The following ZNF730 variants were observed in gnomAD, a reference collection of about 807,000 sequenced individuals.
ZNF730 encodes the protein zinc finger protein 730, also known as putative zinc finger protein 730.
Under a neutral mutation model 12.6 loss-of-function variants are expected in ZNF730, and 12 were observed. The ratio of observed to expected loss-of-function variants is 0.95; its 90% CI spans 0.61 to 1.54. The LOEUF is 1.54. Among genes scored for constraint, ZNF730 ranks in the 40% most tolerant of loss-of-function variants. The pLI, the probability that ZNF730 is intolerant of heterozygous loss-of-function variation, is 0.00. For synonymous variants in ZNF730, 194 were observed against 195.8 expected (o/e 0.99, Z 0.08); for missense variants, 643 against 583.5 (o/e 1.10, Z -1.05).
At chr19:23,107,997 T>C (rs1970415416) in intron 1 of ZNF730, among the ~76,000 whole-genome samples, 1 of 151,948 alleles carries the variant, frequency 6.6e-6, no homozygotes, top group South Asian at 2.1e-4. Context: ...CCTAGCACAG[T>C]GTCTTGCTCA....
chr19:23,077,402 T>G (rs1162081686), intron 1 of ZNF730, among the ~76,000 whole-genome samples: 1 of 146,458 alleles, frequency 6.8e-6, no homozygotes, highest in African/African-American at 2.5e-5. Context: ...TTTAGGTAGC[T>G]TTTCCCATAA....
At chr19:23,088,837 T>G (rs1970109135) in intron 1 of ZNF730, among the ~76,000 whole-genome samples, 1 of 152,138 alleles carries the variant, frequency 6.6e-6, no homozygotes, top group South Asian at 2.1e-4. Flanking sequence ...GAAATGATCA[T>G]GTGGTTTTGT....
chr19:23,092,397 C>G (rs1449733743), intron 1 of ZNF730, among the ~76,000 whole-genome samples: 1 of 150,424 alleles, frequency 6.6e-6, no homozygotes, highest in Non-Finnish European at 1.5e-5. Context: ...GAGTTCGAGA[C>G]CAGCCTGATG....
At chr19:23,118,372 T>G (rs1289609199) in intron 1 of ZNF730, among the ~76,000 whole-genome samples, 1 of 151,266 alleles carries the variant, frequency 6.6e-6, no homozygotes, top group Non-Finnish European at 1.5e-5. Context: ...TTTTGTTTTT[T>G]TTTTTTGTTT....
At chr19:23,114,455 C>T (rs1176284514), upstream of ZNF730, among the ~76,000 whole-genome samples, 10 of 149,892 alleles carry the variant, frequency 6.7e-5, no homozygotes, top group East Asian at 1.9e-4. Context: ...TACAGGCGCC[C>T]GCCATCACAC....
intron 1 of ZNF730, among the ~76,000 whole-genome samples, chr19:23,100,686 T>C (rs1223663957): frequency 8.4e-6 from 1 of 119,596 alleles, no homozygotes; most frequent in Non-Finnish European, 1.7e-5. Context: ...GACAGAATCT[T>C]GCTCTGTCAC....
intron 1 of ZNF730, among the ~76,000 whole-genome samples, chr19:23,082,396 G>A (rs946406493): frequency 4.0e-5 from 6 of 151,816 alleles, no homozygotes; most frequent in Admixed American, 3.3e-4. Flanking sequence ...GCCCAGGCTG[G>A]AGTGCAATGG....
rs552607959 is a variant in ZNF730 at position 23,134,503 on chromosome 19, G to A, written c.130+297G>A. 2.7e-3 allele frequency among the ~76,000 whole-genome samples: 393 copies of A among 144,958 alleles called. 2 individuals are homozygous for A. Among genetic ancestry groups the A allele is most frequent in the African/African-American group, 9.8e-3 (375 of 38,424 alleles). On this transcript the variant is annotated intron_variant, in intron 2 of 3. Coordinates refer to ENST00000597761, the MANE Select transcript of ZNF730 (RefSeq NM_001277403.2). ...GGGCCAGCCCCCCGCCCGGCCGGCC[G>A]CCCCGTCCGGGAGGTGAGGGGCGCC... is the stretch of plus-strand genomic sequence containing the variant.
intron 1 of ZNF730, among the ~76,000 whole-genome samples, chr19:23,106,264 AG>A (rs1317469217): frequency 2.0e-5 from 3 of 152,150 alleles, no homozygotes; most frequent in Non-Finnish European, 2.9e-5. Context: ...AATAACAAAA[AG>A]TAGTAGTAGT....
At chr19:23,137,681 A>C (rs1460249986) in intron 3 of ZNF730, among the ~76,000 whole-genome samples, 1 of 152,228 alleles carries the variant, frequency 6.6e-6, no homozygotes, top group Non-Finnish European at 1.5e-5. Flanking sequence ...AGAAGCAAAC[A>C]CCTCTTCAGG....
At chr19:23,083,947 C>G (rs1970012875) in intron 1 of ZNF730, among the ~76,000 whole-genome samples, 1 of 151,944 alleles carries the variant, frequency 6.6e-6, no homozygotes, top group Admixed American at 6.6e-5. Flanking sequence ...CTCATTTTTG[C>G]TTTTGTTTCC....
At chr19:23,137,112 G>A (rs1160149628) in intron 3 of ZNF730, among the ~76,000 whole-genome samples, 1 of 152,234 alleles carries the variant, frequency 6.6e-6, no homozygotes, top group Non-Finnish European at 1.5e-5. Flanking sequence ...GGAGGTTGCA[G>A]TGAGCCAAGA....
chr19:23,136,100 AG>A, intron 3 of ZNF730, 57 bp downstream of exon 3: 3 of 1,286,884 alleles, frequency 2.3e-6, no homozygotes, highest in Non-Finnish European at 2.0e-6. Context: ...GTTTAAAAAA[AG>A]AAAAAAAACC....
chr19:23,113,837 G>A (rs941221849), upstream of ZNF730, among the ~76,000 whole-genome samples: 2 of 152,174 alleles, frequency 1.3e-5, no homozygotes, highest in African/African-American at 4.8e-5. Flanking sequence ...TGTTATCAAT[G>A]TCTAAAGTTT....
At chr19:23,077,054 A>T (rs1425246710) in intron 1 of ZNF730, among the ~76,000 whole-genome samples, 1 of 152,180 alleles carries the variant, frequency 6.6e-6, no homozygotes, top group Admixed American at 6.6e-5. Context: ...ATGGAGCTGT[A>T]GGCTGTTATC....
At chr19:23,114,631 G>A (rs543393624), upstream of ZNF730, among the ~76,000 whole-genome samples, 3 of 152,136 alleles carry the variant, frequency 2.0e-5, no homozygotes, top group South Asian at 2.1e-4. Flanking sequence ...GATTACAGGC[G>A]TGAGCCACCA....
chr19:23,077,018 A>C (rs962818117), intron 1 of ZNF730, among the ~76,000 whole-genome samples: 1 of 152,198 alleles, frequency 6.6e-6, no homozygotes, highest in Non-Finnish European at 1.5e-5. Context: ...AAAAAAAATG[A>C]GATCATGTCT....
chr19:23,093,006 T>C (rs1170168505), intron 1 of ZNF730, among the ~76,000 whole-genome samples: 1 of 152,174 alleles, frequency 6.6e-6, no homozygotes, highest in Non-Finnish European at 1.5e-5. Context: ...TTTTGTTTTT[T>C]TGAGACAAAA....
intron 1 of ZNF730, among the ~76,000 whole-genome samples, chr19:23,081,849 C>T (rs891620361): frequency 3.3e-5 from 5 of 152,310 alleles, no homozygotes; most frequent in East Asian, 3.9e-4. Flanking sequence ...ACCCCAAACT[C>T]GCAGACTATC....
Sources: allele counts gnomAD v4.1 joint callset (sites outside exome capture counted in the v4.1 genomes callset), GRCh38; gene constraint gnomAD v4.1.1; transcripts MANE v1.5; gene names NCBI Gene and HGNC (gene_info 2026-07-23, HGNC 2026-07-21).